Variants in SIPA1L3 observed in about 807,000 individuals in gnomAD.
The protein encoded by SIPA1L3 is signal-induced proliferation-associated 1-like protein 3.
Under a neutral mutation model 150.1 loss-of-function variants are expected in SIPA1L3, and 59 were observed. That is an observed-to-expected ratio of 0.39 (90% CI 0.32 to 0.49). The LOEUF (loss-of-function observed/expected upper bound fraction) is 0.49, where lower values mean the gene tolerates loss of function less well. SIPA1L3 is among the 20% of genes least tolerant of loss of function. The pLI is 0.86. For synonymous variants in SIPA1L3, 1,070 were observed against 1,077.6 expected (o/e 0.99, Z 0.14); for missense variants, 2,211 against 2,489.5 (o/e 0.89, Z 2.38).
chr19:37,990,364 T>A (rs1472627447), intron 1 of SIPA1L3, among the ~76,000 whole-genome samples: 1 of 152,172 alleles, frequency 6.6e-6, no homozygotes, highest in Non-Finnish European at 1.5e-5. Context: ...GCCTCTTGCA[T>A]GTTGGGCACT....
At chr19:38,011,923 G>C (rs1413098989) in intron 1 of SIPA1L3, among the ~76,000 whole-genome samples, 1 of 152,098 alleles carries the variant, frequency 6.6e-6, no homozygotes, top group Non-Finnish European at 1.5e-5. Context: ...TTTGGAGGTA[G>C]TGGCAACAGA....
intron 1 of SIPA1L3, among the ~76,000 whole-genome samples, chr19:38,010,412 A>T (rs1319466878): frequency 2.1e-3 from 18 of 8,448 alleles, no homozygotes; most frequent in Admixed American, 1.7e-3. Flanking sequence ...TCTCAAAATT[A>T]AAAAAAAAAA....
Position 37,941,853 on chromosome 19 carries a change from C to G in SIPA1L3, c.-379+34495C>G, listed in dbSNP as rs114271601. Among the ~76,000 whole-genome samples the G allele has an allele frequency of 6.2e-3, 944 of 152,344 alleles. 9 individuals carry two copies. The highest frequency in any genetic ancestry group is 0.022 in the African/African-American group (905 of 41,572). ...CTAGACAAAAGAACAATAAAGGGCT[C>G]TACTCCATTGCAGAGGCAAGCCCTG... is the stretch of plus-strand genomic sequence containing the variant. On this transcript the variant is annotated intron_variant, in intron 1 of 21. Coordinates refer to ENST00000222345, the MANE Select transcript of SIPA1L3 (RefSeq NM_015073.3).
At chr19:38,016,633 C>T (rs538519097) in intron 1 of SIPA1L3, among the ~76,000 whole-genome samples, 17 of 152,184 alleles carry the variant, frequency 1.1e-4, no homozygotes, top group Middle Eastern at 3.4e-3. Context: ...ACTGGGATTA[C>T]GGGCACATGC....
intron 12 of SIPA1L3, among the ~76,000 whole-genome samples, chr19:38,145,572 G>A (rs896396169): frequency 6.7e-6 from 1 of 150,172 alleles, no homozygotes; most frequent in Non-Finnish European, 1.5e-5. Flanking sequence ...GGGAGGTCTT[G>A]TGAACCTGAA....
At position 37,994,360 on chromosome 19, in the gene SIPA1L3, G is replaced by A. The variant is rs554732561; in HGVS notation, c.-378-34729G>A. 4.9e-4 allele frequency among the ~76,000 whole-genome samples: 74 copies of A among 152,298 alleles called. 1 individual carries two copies. Among genetic ancestry groups the A allele is most frequent in the Non-Finnish European group, 8.4e-4 (57 of 68,028 alleles). On this transcript the variant is annotated intron_variant, in intron 1 of 21. Coordinates refer to ENST00000222345, the MANE Select transcript of SIPA1L3 (RefSeq NM_015073.3). ...TGCTCTGGGATATGGTACAAGTGGC[G>A]CCAGTGTGTGGAGATCTGGGAGACA...
At chr19:38,058,082 C>T (rs1969363333) in intron 2 of SIPA1L3, among the ~76,000 whole-genome samples, 1 of 152,100 alleles carries the variant, frequency 6.6e-6, no homozygotes, top group Non-Finnish European at 1.5e-5. Context: ...GTGCTGGGCT[C>T]ATCGGGCTCC....
At chr19:38,103,032 C>T (rs760348946) in intron 6 of SIPA1L3, among the ~76,000 whole-genome samples, 1 of 151,422 alleles carries the variant, frequency 6.6e-6, no homozygotes, top group African/African-American at 2.4e-5. Context: ...GAGGCTGAGG[C>T]GAATCGCTTG....
intron 1 of SIPA1L3, among the ~76,000 whole-genome samples, chr19:37,991,446 C>T (rs1238444035): frequency 6.6e-6 from 1 of 152,212 alleles, no homozygotes; most frequent in Non-Finnish European, 1.5e-5. Context: ...ATTCCCATTC[C>T]TGGTGCTCTG....
chr19:38,104,781 A>G (rs570486237), intron 6 of SIPA1L3, among the ~76,000 whole-genome samples: 1 of 151,378 alleles, frequency 6.6e-6, no homozygotes, highest in African/African-American at 2.4e-5. Flanking sequence ...GTGTTGGCCA[A>G]GCTGGTCTTG....
At chr19:38,142,478 C>CGTCTGTCCATCCATCT (rs1337376226) in intron 11 of SIPA1L3, 95 bp from the exon 12 acceptor site, 1 of 1,380,364 alleles carries the variant, frequency 7.2e-7, no homozygotes, top group Non-Finnish European at 9.8e-7. Context: ...TCTGTCTGTC[C>CGTCTGTCCATCCATCT]GTCTGTCCAT....
intron 1 of SIPA1L3, among the ~76,000 whole-genome samples, chr19:37,923,148 A>G (rs1470308328): frequency 2.0e-5 from 3 of 150,400 alleles, no homozygotes; most frequent in African/African-American, 7.4e-5. Flanking sequence ...AAAAAAAAAA[A>G]AAGAAGTACA....
chr19:38,205,976 T>C, intron 21 of SIPA1L3, 121 bp from the exon 22 acceptor site: 3 of 1,189,294 alleles, frequency 2.5e-6, no homozygotes, highest in Non-Finnish European at 3.4e-6. Context: ...CGGCCTGGCC[T>C]GGCTCTAGTG....
At chr19:38,171,973 G>C (rs980310014) in intron 15 of SIPA1L3, among the ~76,000 whole-genome samples, 1 of 152,086 alleles carries the variant, frequency 6.6e-6, no homozygotes, top group Non-Finnish European at 1.5e-5. Context: ...GAACATTCAG[G>C]GCCCTACCAG....
rs1973241520 is a variant in SIPA1L3, at chr19:38,207,315, T to G, written c.*1075T>G. On this transcript the variant is annotated 3_prime_UTR_variant, in exon 22 of 22. Coordinates refer to ENST00000222345, the MANE Select transcript of SIPA1L3 (RefSeq NM_015073.3). Reference sequence around the variant, plus strand: ...GAGCACTGCACCCCGCGAACCCCACTGGACGCTGGTTCTCTAAAGGCAATA... The same window carrying G: ...GAGCACTGCACCCCGCGAACCCCACGGGACGCTGGTTCTCTAAAGGCAATA... The G allele has an allele frequency of 6.6e-6, 1 of 151,212 alleles. No homozygotes were observed. The highest frequency in any genetic ancestry group is 1.5e-5 in the Non-Finnish European group (1 of 67,840). 9.4% of individuals were successfully genotyped at this position (151,212 alleles called of 1,614,324 possible).
At chr19:38,006,612 G>A (rs987072397) in intron 1 of SIPA1L3, among the ~76,000 whole-genome samples, 5 of 152,278 alleles carry the variant, frequency 3.3e-5, no homozygotes, top group East Asian at 1.9e-4. Flanking sequence ...ATACTACTTC[G>A]CACCTCTCAG....
At chr19:37,912,140 G>A (rs1432648455) in intron 1 of SIPA1L3, among the ~76,000 whole-genome samples, 1 of 152,058 alleles carries the variant, frequency 6.6e-6, no homozygotes, top group Non-Finnish European at 1.5e-5. Flanking sequence ...GGGAGGCTGA[G>A]GCAGGAGAAT....
At chr19:37,978,908 T>A (rs185412754) in intron 1 of SIPA1L3, among the ~76,000 whole-genome samples, 139 of 152,046 alleles carry the variant, frequency 9.1e-4, no homozygotes, top group African/African-American at 3.3e-3. Context: ...TCCAGGAGGT[T>A]GAGGCTGCAG....
chr19:37,988,899 A>G (rs28470392), intron 1 of SIPA1L3, among the ~76,000 whole-genome samples: 3,235 of 152,084 alleles, frequency 0.021, 107 homozygotes, highest in African/African-American at 0.073. Context: ...CACTCCACAC[A>G]GTCCTCTGGC....
Sources: allele counts gnomAD v4.1 joint callset (sites outside exome capture counted in the v4.1 genomes callset), GRCh38; gene constraint gnomAD v4.1.1; transcripts MANE v1.5; gene names NCBI Gene and HGNC (gene_info 2026-07-23, HGNC 2026-07-21).